CALN1: variants seen among roughly 807,000 people sequenced by gnomAD.
CALN1 encodes calcium-binding protein 8.
Under a neutral mutation model 30.6 loss-of-function variants are expected in CALN1, and 17 were observed. That is an observed-to-expected ratio of 0.56 (90% CI 0.38 to 0.83). The LOEUF is 0.83. Among genes scored for constraint, CALN1 ranks in the 40% least tolerant of loss-of-function variants. The pLI, the probability that CALN1 is intolerant of heterozygous loss-of-function variation, is 0.00. For missense variants in CALN1, 291 were observed against 354.9 expected, an observed-to-expected ratio of 0.82 and a Z score of 1.45; for synonymous variants, 156 against 131.4, an observed-to-expected ratio of 1.19 and a Z score of -1.28.
At chr7:71,927,128 AAAG>A (rs1795309448) in intron 5 of CALN1, among the ~76,000 whole-genome samples, 1 of 152,198 alleles carries the variant, frequency 6.6e-6, no homozygotes, top group South Asian at 2.1e-4. Context: ...CTGCCAACAT[AAAG>A]AAGAGTCTAC....
At chr7:72,245,825 T>C (rs1795122302) in intron 3 of CALN1, among the ~76,000 whole-genome samples, 1 of 152,134 alleles carries the variant, frequency 6.6e-6, no homozygotes, top group Admixed American at 6.6e-5. Context: ...AGTTCTTCTT[T>C]CAATAGCGAC....
At chr7:72,419,136 G>C (rs1807523995) in intron 1 of CALN1, among the ~76,000 whole-genome samples, 1 of 152,236 alleles carries the variant, frequency 6.6e-6, no homozygotes, top group South Asian at 2.1e-4. Flanking sequence ...AGTTGAGCTG[G>C]ACAACACACG....
At chr7:72,190,850 T>G (rs919344907) in intron 3 of CALN1, among the ~76,000 whole-genome samples, 4 of 152,220 alleles carry the variant, frequency 2.6e-5, no homozygotes, top group Non-Finnish European at 5.9e-5. Flanking sequence ...ATTATTATTT[T>G]TTTTCAGTTA....
intron 3 of CALN1, among the ~76,000 whole-genome samples, chr7:72,275,444 C>T (rs969177442): frequency 2.6e-5 from 4 of 152,206 alleles, no homozygotes; most frequent in African/African-American, 9.6e-5. Flanking sequence ...AAAATCAGAA[C>T]ACATCCGCAC....
chr7:72,298,475 G>A (rs1208922442), intron 2 of CALN1, among the ~76,000 whole-genome samples: 7 of 152,162 alleles, frequency 4.6e-5, no homozygotes, highest in African/African-American at 1.7e-4. Context: ...AGTAACTAAT[G>A]AAGGGCTCCT....
Position 71,961,650 on chromosome 7 carries a change from C to A in CALN1, c.501+62007G>T, listed in dbSNP as rs1797253017. ...CATTTGCCATCTCCACAAGCCATTCCCTCCCTGCACCTCTCTGCCCTGGGC... is the reference window on the plus strand; with the variant it reads ...CATTTGCCATCTCCACAAGCCATTCACTCCCTGCACCTCTCTGCCCTGGGC... On this transcript the variant is annotated intron_variant, in intron 5 of 6. Transcript: ENST00000395275. Among the ~76,000 whole-genome samples, 3 of 152,270 alleles carry A rather than the reference C, an allele frequency of 2.0e-5. No homozygotes were observed. In the South Asian group the frequency reaches 6.2e-4, roughly 32 times the overall value.
At chr7:72,345,497 G>A (rs1342592324) in intron 2 of CALN1, among the ~76,000 whole-genome samples, 5 of 144,392 alleles carry the variant, frequency 3.5e-5, no homozygotes, top group African/African-American at 1.0e-4. Context: ...GGGAGAGAGG[G>A]AGAGAGGAAG....
chr7:71,981,160 G>T (rs963468915), intron 5 of CALN1, among the ~76,000 whole-genome samples: 2 of 152,084 alleles, frequency 1.3e-5, no homozygotes, highest in Non-Finnish European at 2.9e-5. Context: ...CTTAGCCCTC[G>T]TTATAGTCTT....
rs897190045 is a variant in CALN1 at position 72,412,049 on chromosome 7, T to C, written c.-74+9A>G. The C allele has an allele frequency of 6.6e-6, 1 of 152,254 alleles. No homozygotes were observed. Among genetic ancestry groups the C allele is most frequent in the Admixed American group, 6.5e-5 (1 of 15,282 alleles). The allele number at this position is 152,254 out of a possible 1,614,324, so 9.4% of individuals were successfully genotyped here. A position where few individuals can be genotyped will look rare whatever the true frequency, so the allele number is the denominator to read the frequency against. ...TGAGCCCACCATGCTCTTTAGTTTC[T>C]GTGCCCACCTGTGTGCGGAATTTAT... On this transcript the variant is annotated intron_variant, in intron 1 of 6. Transcript: ENST00000395275.
intron 3 of CALN1, among the ~76,000 whole-genome samples, chr7:72,130,866 T>C (rs1014426224): frequency 3.5e-5 from 5 of 141,546 alleles, no homozygotes; most frequent in South Asian, 2.4e-4. Flanking sequence ...AAAGCACATA[T>C]TTTTCTTAGG....
intron 4 of CALN1, among the ~76,000 whole-genome samples, chr7:72,058,776 A>G (rs548023613): frequency 6.6e-6 from 1 of 152,212 alleles, no homozygotes; most frequent in Admixed American, 6.5e-5. Context: ...CCTTTGCCCC[A>G]TATAGATCAT....
intron 1 of CALN1, among the ~76,000 whole-genome samples, chr7:72,428,016 C>T (rs1807853273): frequency 6.6e-6 from 1 of 152,154 alleles, no homozygotes; most frequent in Non-Finnish European, 1.5e-5. Flanking sequence ...CCCCACCACG[C>T]AAATGCAGCT....
chr7:71,935,011 G>C (rs1435284152), intron 5 of CALN1, among the ~76,000 whole-genome samples: 1 of 152,134 alleles, frequency 6.6e-6, no homozygotes, highest in Non-Finnish European at 1.5e-5. Flanking sequence ...ACAACACATG[G>C]AAATTATGGG....
At chr7:72,207,081 A>G (rs2129547866) in intron 3 of CALN1, among the ~76,000 whole-genome samples, 1 of 152,336 alleles carries the variant, frequency 6.6e-6, no homozygotes, top group Middle Eastern at 3.4e-3. Flanking sequence ...TTTGCCAGAA[A>G]GAAAAAGATG....
In CALN1 at chr7:71,836,194, C is replaced by A. The variant is rs189525319; in HGVS notation, c.502-25702G>T. On this transcript the variant is annotated intron_variant, in intron 5 of 6. Transcript: ENST00000395275. ...GATCAACCGGGTCTCCGCCTACCTG[C>A]GGATCCTGGAACATCAGGGTCAATG... Among the ~76,000 whole-genome samples the A allele has an allele frequency of 2.9e-3, 440 of 152,324 alleles. 4 individuals carry two copies. The highest frequency in any genetic ancestry group is 9.9e-3 in the African/African-American group (412 of 41,564).
chr7:71,834,022 G>A (rs1432349638), intron 5 of CALN1, among the ~76,000 whole-genome samples: 1 of 151,920 alleles, frequency 6.6e-6, no homozygotes, highest in African/African-American at 2.4e-5. Context: ...AGGAGATCGA[G>A]ACCATCCTGG....
intron 1 of CALN1, among the ~76,000 whole-genome samples, chr7:72,433,785 C>T (rs998739821): frequency 5.9e-5 from 9 of 152,070 alleles, no homozygotes; most frequent in African/African-American, 1.4e-4. Flanking sequence ...ACATTGGAGG[C>T]GGGGCACAGT....
chr7:71,912,449 T>C (rs1794473287), intron 5 of CALN1, among the ~76,000 whole-genome samples: 1 of 152,148 alleles, frequency 6.6e-6, no homozygotes, highest in South Asian at 2.1e-4. Flanking sequence ...TGTGATACCT[T>C]GCAGCAACTT....
chr7:71,811,271 G>A (rs1057142073), intron 5 of CALN1, among the ~76,000 whole-genome samples: 1 of 151,978 alleles, frequency 6.6e-6, no homozygotes, highest in Non-Finnish European at 1.5e-5. Flanking sequence ...CCAGTGGTGT[G>A]ATCATAGCTC....
Sources: gnomAD v4.1 joint callset for allele counts (sites outside exome capture counted in the v4.1 genomes callset) on GRCh38, gnomAD v4.1.1 for gene constraint, MANE v1.5 for transcripts, NCBI Gene and HGNC (gene_info 2026-07-23, HGNC 2026-07-21) for gene names.